PPM1B: variants seen among roughly 807,000 people sequenced by gnomAD.
The protein encoded by PPM1B is protein phosphatase, Mg2+/Mn2+ dependent 1B, also known as protein phosphatase 1B.
PPM1B carries 22 observed loss-of-function variants against 43.0 expected under a neutral mutation model. The observed-to-expected ratio is 0.51, with a 90% CI of 0.37 to 0.73. PPM1B has a LOEUF of 0.73. Ranked by LOEUF, PPM1B falls within the 30% of genes least tolerant of loss-of-function variation. The probability of loss-of-function intolerance (pLI) is 0.00; values close to 1 mark genes in which losing one functional copy is unlikely to be tolerated. For synonymous variants in PPM1B, 217 were observed against 197.9 expected, an observed-to-expected ratio of 1.10 and a Z score of -0.81; for missense variants, 632 against 584.2, an observed-to-expected ratio of 1.08 and a Z score of -0.84.
intron 1 of PPM1B, among the ~76,000 whole-genome samples, chr2:44,170,988 CATTT>C (rs570843307): frequency 1.4e-3 from 218 of 152,028 alleles, no homozygotes; most frequent in African/African-American, 4.9e-3. Flanking sequence ...TTCGCCTCTT[CATTT>C]GTTTTTGCTC....
At chr2:44,188,532 G>A (rs968525104) in intron 1 of PPM1B, among the ~76,000 whole-genome samples, 4 of 151,654 alleles carry the variant, frequency 2.6e-5, no homozygotes, top group African/African-American at 7.3e-5. Context: ...AATTGGCTGG[G>A]ATCACAGGCA....
intron 5 of PPM1B, among the ~76,000 whole-genome samples, chr2:44,221,451 G>A (rs1287087549): frequency 6.6e-6 from 1 of 152,158 alleles, no homozygotes; most frequent in Non-Finnish European, 1.5e-5. Flanking sequence ...TAGCCGCAAA[G>A]GTGCTCCATA....
At chr2:44,232,560 C>CA, downstream of PPM1B, 1 of 1,397,428 alleles carries the variant, frequency 7.2e-7, no homozygotes, top group Non-Finnish European at 9.3e-7. Context: ...TATTTTTTGC[C>CA]AACCTCAGGC....
intron 3 of PPM1B, among the ~76,000 whole-genome samples, chr2:44,211,742 C>CTTTTTTTT (rs55716263): frequency 1.3e-5 from 1 of 78,612 alleles, no homozygotes; most frequent in Non-Finnish European, 2.4e-5. Context: ...CTGATTCTGT[C>CTTTTTTTT]TTTTTTTTTT....
chr2:44,202,716 G>C lies in PPM1B; in HGVS notation c.846+671G>C, dbSNP rs142036569. ...AAAGGCTTCTATAAAACATAATCTT[G>C]TGAAAAATTCCTGTGGAACACTAAA... On this transcript the variant is annotated intron_variant, in intron 2 of 5. Transcript: ENST00000282412. Among the ~76,000 whole-genome samples the C allele has an allele frequency of 7.2e-5, 11 of 152,136 alleles. No homozygotes were observed. The East Asian group carries it at 2.1e-3, about 29-fold the overall frequency.
chr2:44,233,097 T>C (rs926842512), downstream of PPM1B: 12 of 980,266 alleles, frequency 1.2e-5, no homozygotes, highest in African/African-American at 2.1e-4. Context: ...TTGGAAATTT[T>C]TTAAAGATGA....
chr2:44,203,122 A>G (rs1029442158), intron 2 of PPM1B, among the ~76,000 whole-genome samples: 1 of 152,202 alleles, frequency 6.6e-6, no homozygotes. Context: ...AAATGCCCAG[A>G]TTTTGGTTAA....
intron 1 of PPM1B, among the ~76,000 whole-genome samples, chr2:44,199,583 A>G (rs992081540): frequency 6.6e-6 from 1 of 152,238 alleles, no homozygotes; most frequent in African/African-American, 2.4e-5. Context: ...AGCCTATACA[A>G]GCAAGCATAT....
intron 5 of PPM1B, among the ~76,000 whole-genome samples, chr2:44,240,387 G>A (rs1173129184): frequency 6.9e-6 from 1 of 145,520 alleles, no homozygotes; most frequent in Non-Finnish European, 1.5e-5. Context: ...TGTAAAACAG[G>A]ATTAGTAACT....
rs753872920 is a variant in PPM1B, at chr2:44,202,010, G to T, written c.811G>T (p.Val271Leu). The T allele has an allele frequency of 6.2e-7, 1 of 1,607,568 alleles. No individual in the cohort carries two copies. Among genetic ancestry groups the T allele is most frequent in the Admixed American group, 1.7e-5 (1 of 59,184 alleles). The change falls in exon 2 of 6, where the codon GTG becomes TTG. Residue 271 changes from valine (V) to leucine (L), a missense_variant. Val to Leu is a conservative substitution (Grantham distance 32). This residue lies in a region of PPM1B where 392 missense variants were observed against 302.7 expected (regional missense o/e 1.29). Coordinates refer to ENST00000282412, the MANE Select transcript of PPM1B (RefSeq NM_002706.6). ...RLEVSDDLENVCNWVVDTCLH... is the reference protein window; with the variant it reads ...RLEVSDDLENLCNWVVDTCLH... ...TGAGGTATCTGATGACCTGGAAAAT[G>T]TGTGCAATTGGGTAGTGGACACTTG...
chr2:44,173,176 G>A (rs146206551), intron 1 of PPM1B, among the ~76,000 whole-genome samples: 11 of 152,136 alleles, frequency 7.2e-5, no homozygotes, highest in Admixed American at 6.5e-5. Context: ...TGTACTGGCC[G>A]GCCAAAAAAG....
At chr2:44,196,922 C>T (rs1037313315) in intron 1 of PPM1B, among the ~76,000 whole-genome samples, 2 of 152,144 alleles carry the variant, frequency 1.3e-5, no homozygotes, top group Non-Finnish European at 2.9e-5. Flanking sequence ...GGCAAAATCA[C>T]AGGTGGAGAG....
chr2:44,173,563 A>G (rs1440000825), intron 1 of PPM1B, among the ~76,000 whole-genome samples: 1 of 152,220 alleles, frequency 6.6e-6, no homozygotes, highest in Non-Finnish European at 1.5e-5. Flanking sequence ...GAGTGCTTAA[A>G]TACATTTTTT....
At chr2:44,235,735 A>AC (rs1206852125), downstream of PPM1B, among the ~76,000 whole-genome samples, 2 of 151,890 alleles carry the variant, frequency 1.3e-5, no homozygotes, top group African/African-American at 4.8e-5. Context: ...GTTTCTACAC[A>AC]CAAAAAAATT....
At chr2:44,227,922 C>CTTTT (rs59259343) in intron 5 of PPM1B, among the ~76,000 whole-genome samples, 2 of 106,796 alleles carry the variant, frequency 1.9e-5, no homozygotes, top group Non-Finnish European at 3.6e-5. Flanking sequence ...TTTTTCTTTT[C>CTTTT]TTTTTTTTTT....
chr2:44,218,906 A>AG (rs1269944583), intron 5 of PPM1B: 4 of 463,290 alleles, frequency 8.6e-6, no homozygotes, highest in Middle Eastern at 3.2e-4. Flanking sequence ...CATCACCAGA[A>AG]GTTAGTGATA....
At chr2:44,199,326 A>AAT (rs1263588585) in intron 1 of PPM1B, among the ~76,000 whole-genome samples, 2 of 141,706 alleles carry the variant, frequency 1.4e-5, no homozygotes, top group African/African-American at 5.6e-5. Context: ...AATAAAAATA[A>AAT]AAAAAAAAAA....
At chr2:44,181,089 T>A (rs1667851869) in intron 1 of PPM1B, among the ~76,000 whole-genome samples, 1 of 152,004 alleles carries the variant, frequency 6.6e-6, no homozygotes, top group South Asian at 2.1e-4. Context: ...GGACCACGGA[T>A]GTGTGTCACC....
Position 44,199,189 on chromosome 2 carries a change from C to T in PPM1B, c.-14-1997C>T, listed in dbSNP as rs546036454. 3.4e-5 allele frequency among the ~76,000 whole-genome samples: 5 copies of T among 146,140 alleles called. No homozygotes were observed. In the East Asian group the frequency reaches 6.2e-4, roughly 18 times the overall value. On this transcript the variant is annotated intron_variant, in intron 1 of 5. Transcript: ENST00000282412. ...AGGAGAGTGGTGTGAACCTGGGAGG[C>T]GGAGGTTGCAGTGAGCCGAGATTGT...
Sources: allele counts gnomAD v4.1 joint callset (sites outside exome capture counted in the v4.1 genomes callset), GRCh38; gene constraint gnomAD v4.1.1; regional missense constraint gnomAD v4.1.1; transcripts MANE v1.5; gene names NCBI Gene and HGNC (gene_info 2026-07-23, HGNC 2026-07-21).